The following COL16A1 variants were observed in gnomAD, a reference collection of about 807,000 sequenced individuals.
The protein encoded by COL16A1 is collagen type XVI alpha 1 chain.
In COL16A1, 189 loss-of-function variants were observed where a neutral mutation model predicts 266.3. That is an observed-to-expected ratio of 0.71 (90% CI 0.63 to 0.80). The LOEUF (loss-of-function observed/expected upper bound fraction) is 0.80, where lower values mean the gene tolerates loss of function less well. COL16A1 is among the 30% of genes least tolerant of loss of function. COL16A1 has a pLI of 0.00. For synonymous variants in COL16A1, 740 were observed against 782.3 expected (o/e 0.95, Z 0.90); for missense variants, 1,928 against 2,122.4 (o/e 0.91, Z 1.80).
chr1:31,674,161 C>T (rs1476090550), intron 44 of COL16A1, among the ~76,000 whole-genome samples: 2 of 152,152 alleles, frequency 1.3e-5, no homozygotes, highest in Non-Finnish European at 2.9e-5. Flanking sequence ...TCTGCCCTGA[C>T]CAAGGCCCAT....
Position 31,682,916 on chromosome 1 carries a change from A to C in COL16A1, c.2538+18T>G. On this transcript the variant is annotated intron_variant, in intron 37 of 70. Coordinates refer to ENST00000373672, the MANE Select transcript of COL16A1 (RefSeq NM_001856.4). The stretch of plus-strand genomic sequence containing the variant: ...GGTTCCAGCAACACCACCAGCATGG[A>C]GCACAGAGAAGACTTACCGGAGGCC... 6.2e-7 allele frequency: 1 copy of C among 1,613,846 alleles called. No individual in the cohort carries two copies. Among genetic ancestry groups the C allele is most frequent in the Non-Finnish European group, 8.5e-7 (1 of 1,179,880 alleles).
chr1:31,661,835 C>T, intron 58 of COL16A1, 131 bp from the exon 59 acceptor site: 2 of 980,170 alleles, frequency 2.0e-6, no homozygotes, highest in Non-Finnish European at 3.0e-6. Flanking sequence ...AAGCCTGGCT[C>T]AGCCTCTGAC....
intron 39 of COL16A1, 147 bp downstream of exon 39, chr1:31,680,758 C>T: frequency 6.6e-7 from 1 of 1,514,970 alleles, no homozygotes; most frequent in Admixed American, 1.9e-5. Context: ...TCCTCCAGTC[C>T]AAGGCAGCTT....
rs571964851 is a variant in COL16A1 at position 31,653,484 on chromosome 1, G to A, written c.4612+115C>T. On this transcript the variant is annotated intron_variant, in intron 70 of 70. Transcript: ENST00000373672. ...CACACAGTGGCATTCCTATAAATGT[G>A]GTTGACTGGCCTGTCGTTATTTGGA... The A allele has an allele frequency of 6.5e-6, 8 of 1,239,030 alleles. 1 individual carries two copies. In the African/African-American group the frequency reaches 1.1e-4, roughly 17 times the overall value. The allele number at this position is 1,239,030 out of a possible 1,614,324, so 76.8% of individuals were successfully genotyped here. A position where few individuals can be genotyped will look rare whatever the true frequency, so the allele number is the denominator to read the frequency against.
intron 47 of COL16A1, among the ~76,000 whole-genome samples, 186 bp downstream of exon 47, chr1:31,672,230 C>A (rs1642779819): frequency 6.6e-6 from 1 of 152,084 alleles, no homozygotes; most frequent in South Asian, 2.1e-4. Flanking sequence ...CAGCTGGGCA[C>A]TGGGGAGAAA....
chr1:31,695,082 C>A, intron 11 of COL16A1, 104 bp downstream of exon 11: 1 of 1,217,682 alleles, frequency 8.2e-7, no homozygotes, highest in Non-Finnish European at 1.2e-6. Context: ...TGAAAGTGTA[C>A]AAAGACCCCC....
Position 31,697,897 on chromosome 1 carries a change from A to C in COL16A1, c.657+9T>G. ...AGGAACAGAGGTCAGGGCCTGACCT[A>C]GCACTCACCGAGACAGGCTTGCCCT... On this transcript the variant is annotated intron_variant, in intron 6 of 70. Coordinates refer to ENST00000373672, the MANE Select transcript of COL16A1 (RefSeq NM_001856.4). This position sits in a 1 kb window ranked among gnomAD's most constrained non-coding sequence, Gnocchi z 4.2. 2 of 1,606,050 alleles carry C rather than the reference A, an allele frequency of 1.2e-6. No individual in the cohort carries two copies. Among genetic ancestry groups the C allele is most frequent in the Non-Finnish European group, 8.5e-7 (1 of 1,176,010 alleles).
At position 31,653,891 on chromosome 1, in the gene COL16A1, G is replaced by T; in HGVS notation, c.4510C>A (p.Arg1504=). The T allele has an allele frequency of 1.9e-6, 3 of 1,613,132 alleles. No homozygotes were observed. Among genetic ancestry groups the T allele is most frequent in the Non-Finnish European group, 1.7e-6 (2 of 1,179,338 alleles). The change falls in exon 69 of 71, where the codon CGG becomes AGG. Residue 1504 remains arginine, a synonymous_variant. Transcript: ENST00000373672. ...GLPGQIGREG[R]QGLPGVRGLP... Reference sequence around the variant, plus strand: ...CCTCTTACTCCTGGCAAGCCCTGCCGTCCTTCTCTGCCAATCTGACCAGGG... The same window carrying T: ...CCTCTTACTCCTGGCAAGCCCTGCCTTCCTTCTCTGCCAATCTGACCAGGG...
chr1:31,683,799 TCCCCTTCTCCCCAG>T, intron 33 of COL16A1, 51 bp from the exon 34 acceptor site: 1 of 1,613,270 alleles, frequency 6.2e-7, no homozygotes, highest in East Asian at 2.2e-5. Context: ...AGTCACCCTT[TCCCCTTCTCCCCAG>T]CCCCTTCTCC....
rs368609754 is a variant in COL16A1 at position 31,697,913 on chromosome 1, G to A, written c.650C>T (p.Pro217Leu). The change falls in exon 6 of 71, where the codon CCT becomes CTT. Residue 217 changes from proline to leucine, a missense_variant. Physicochemically the swap from Pro to Leu is moderately conservative, Grantham distance 98. Around this residue, in one of 2 missense-constraint regions of COL16A1, gnomAD observed 1,552 missense variants for 1,637.2 expected, o/e 0.95. Transcript: ENST00000373672. This position sits in a 1 kb window ranked among gnomAD's most constrained non-coding sequence, Gnocchi z 4.2. ...GCCTGACCTAGCACTCACCGAGACA[G>A]GCTTGCCCTGCTCAGCATCCAAGCC... ...FLGLDAEQGKPVSFDLQQVHI... is the reference protein window; with the variant it reads ...FLGLDAEQGKLVSFDLQQVHI... 2.2e-5 allele frequency: 36 copies of A among 1,611,412 alleles called. No homozygotes were observed. The highest frequency in any genetic ancestry group is 2.9e-5 in the Non-Finnish European group (34 of 1,179,222).
chr1:31,680,192 G>C (rs1231011008), intron 39 of COL16A1, 91 bp from the exon 40 acceptor site: 2 of 1,524,402 alleles, frequency 1.3e-6, no homozygotes, highest in African/African-American at 2.8e-5. Flanking sequence ...TCTAGAGATG[G>C]AGAGGCCAGG....
intron 68 of COL16A1, 50 bp from the exon 69 acceptor site, chr1:31,654,093 C>A: frequency 6.4e-7 from 1 of 1,566,680 alleles, no homozygotes. Context: ...CCCCCAGGGA[C>A]TCAGAATGAC....
intron 30 of COL16A1, 28 bp downstream of exon 30, chr1:31,684,793 A>AC: frequency 6.2e-7 from 1 of 1,613,444 alleles, no homozygotes; most frequent in Non-Finnish European, 8.5e-7. Context: ...TGCCATGCCC[A>AC]CCCCCGTGCC....
chr1:31,675,420 T>G, intron 42 of COL16A1, 109 bp from the exon 43 acceptor site: 2 of 1,484,702 alleles, frequency 1.3e-6, no homozygotes, highest in Admixed American at 3.9e-5. Context: ...CCTGCAGAGC[T>G]GAGAGCCCTG....
chr1:31,692,747 G>A lies in COL16A1; in HGVS notation c.1113+20C>T, dbSNP rs910207405. 2 of 1,613,520 alleles carry A rather than the reference G, an allele frequency of 1.2e-6. No homozygotes were observed. The highest frequency in any genetic ancestry group is 8.5e-7 in the Non-Finnish European group (1 of 1,179,438). On this transcript the variant is annotated intron_variant, in intron 14 of 70. Transcript: ENST00000373672. The stretch of plus-strand genomic sequence containing the variant: ...TGGCCCCATATTGGCCCTGAAGCAG[G>A]CATCACCTCCAAGTCTTACCTGAAG...
chr1:31,692,671 G>A, intron 14 of COL16A1, 29 bp from the exon 15 acceptor site: 1 of 1,614,016 alleles, frequency 6.2e-7, no homozygotes, highest in Non-Finnish European at 8.5e-7. Flanking sequence ...TGTTGAGAGG[G>A]GCAGAGGGTC....
At chr1:31,680,004 T>TC (rs1643502227) in intron 40 of COL16A1, 38 bp downstream of exon 40, 1 of 1,611,266 alleles carries the variant, frequency 6.2e-7, no homozygotes, top group East Asian at 2.2e-5. Flanking sequence ...GCTGGTCCTC[T>TC]CCCCCAGTTG....
At position 31,662,668 on chromosome 1, in the gene COL16A1, A is replaced by AGGGGGGGGGGGG; in HGVS notation, c.3556-11_3556-10insCCCCCCCCCCCC. Reference sequence around the variant, plus strand: ...GAATCCCTTCGCTGCCCTGGAAACCAGCGCCGCCCCCCCCCCCCGCCCCAC... The same window carrying AGGGGGGGGGGGG: ...GAATCCCTTCGCTGCCCTGGAAACCAGGGGGGGGGGGGGCGCCGCCCCCCCCCCCCGCCCCAC... On this transcript the variant is annotated splice_polypyrimidine_tract_variant and intron_variant, in intron 56 of 70. Coordinates refer to ENST00000373672, the MANE Select transcript of COL16A1 (RefSeq NM_001856.4). 1 of 1,407,800 alleles carries AGGGGGGGGGGGG rather than the reference A, an allele frequency of 7.1e-7. No homozygotes were observed. Among genetic ancestry groups the AGGGGGGGGGGGG allele is most frequent in the Non-Finnish European group, 9.7e-7 (1 of 1,035,192 alleles). The allele number at this position is 1,407,800 out of a possible 1,614,324, so 87.2% of individuals were successfully genotyped here. A position where few individuals can be genotyped will look rare whatever the true frequency, so the allele number is the denominator to read the frequency against.
chr1:31,698,714 C>T lies in COL16A1; in HGVS notation c.267-108G>A, dbSNP rs1644604684. 1 of 1,498,866 alleles carries T rather than the reference C, an allele frequency of 6.7e-7. No individual in the cohort carries two copies. The highest frequency in any genetic ancestry group is 2.0e-5 in the Admixed American group (1 of 50,074). The allele number at this position is 1,498,866 out of a possible 1,614,324, so 92.8% of individuals were successfully genotyped here. ...CCTACCCAAGACATCCACAGGCACA[C>T]ATCTTCCATCATATACATTCATTCA... On this transcript the variant is annotated intron_variant, in intron 4 of 70. Transcript: ENST00000373672. This position sits in a 1 kb window ranked among gnomAD's most constrained non-coding sequence, Gnocchi z 4.1.
Sources: gnomAD v4.1 joint callset for allele counts (sites outside exome capture counted in the v4.1 genomes callset) on GRCh38, gnomAD v4.1.1 for gene constraint, gnomAD v4.1.1 regional missense constraint, Gnocchi (gnomAD v3.1) non-coding constraint, MANE v1.5 for transcripts, NCBI Gene and HGNC (gene_info 2026-07-23, HGNC 2026-07-21) for gene names.